KIZ: variants seen among roughly 807,000 people sequenced by gnomAD.
KIZ encodes the protein centrosomal protein kizuna.
KIZ carries 68 observed loss-of-function variants against 79.6 expected under a neutral mutation model. The observed-to-expected ratio is 0.85, with a 90% CI of 0.70 to 1.05. The LOEUF is 1.05. Among genes scored for constraint, KIZ ranks in the 50% least tolerant of loss-of-function variants. The pLI, the probability that KIZ is intolerant of heterozygous loss-of-function variation, is 0.00. For synonymous variants in KIZ, 280 were observed against 281.8 expected, an observed-to-expected ratio of 0.99 and a Z score of 0.06; for missense variants, 797 against 800.4, an observed-to-expected ratio of 1.00 and a Z score of 0.05.
Position 21,158,251 on chromosome 20 carries a change from TG to T in KIZ, c.406-3619del, listed in dbSNP as rs758012020. 7.9e-5 allele frequency among the ~76,000 whole-genome samples: 12 copies of T among 152,350 alleles called. No homozygotes were observed. In the South Asian group the frequency reaches 2.5e-3, roughly 32 times the overall value. The stretch of plus-strand genomic sequence containing the variant: ...TATTCATATTGGTGAGTCAGAATGT[TG>T]ATTAATATCATTTTGCTGTTTAAAC... On this transcript the variant is annotated intron_variant, in intron 4 of 12. Coordinates refer to ENST00000619189, the MANE Select transcript of KIZ (RefSeq NM_018474.6).
In KIZ at chr20:21,183,854, C is replaced by A. The variant is rs77015176; in HGVS notation, c.1352+20695C>A. Among the ~76,000 whole-genome samples the A allele has an allele frequency of 9.7e-3, 1,472 of 152,282 alleles. 26 individuals are homozygous for A. The highest frequency in any genetic ancestry group is 0.034 in the African/African-American group (1,404 of 41,568). Reference sequence around the variant, plus strand: ...CAGTGGGCTCTGACTTCTCTGTTTCCCTCTGATCTACTCCGTCTGGATCAA... The same window carrying A: ...CAGTGGGCTCTGACTTCTCTGTTTCACTCTGATCTACTCCGTCTGGATCAA... On this transcript the variant is annotated intron_variant, in intron 6 of 12. Coordinates refer to ENST00000619189, the MANE Select transcript of KIZ (RefSeq NM_018474.6).
intron 9 of KIZ, 79 bp from the exon 10 acceptor site, chr20:21,228,932 A>C (rs1173619618): frequency 4.5e-6 from 3 of 673,496 alleles, no homozygotes; most frequent in Non-Finnish European, 2.6e-6. Context: ...AGAAGTGTTA[A>C]TCTCATAGGA....
intron 6 of KIZ, chr20:21,196,936 C>T (rs1178771309): frequency 6.6e-6 from 1 of 152,218 alleles, no homozygotes; most frequent in African/African-American, 2.4e-5. Flanking sequence ...TAGCCATCAA[C>T]TAGGTCCAGT....
intron 7 of KIZ, among the ~76,000 whole-genome samples, chr20:21,211,251 G>A (rs965728165): frequency 2.6e-5 from 4 of 152,190 alleles, no homozygotes; most frequent in Admixed American, 2.6e-4. Context: ...AGTACTGTAG[G>A]TGTAACTCAT....
intron 6 of KIZ, among the ~76,000 whole-genome samples, chr20:21,173,593 A>AAAG (rs1555879515): frequency 0.014 from 2,068 of 143,766 alleles, 46 homozygotes; most frequent in African/African-American, 0.049. Context: ...AAAAAAAAAA[A>AAAG]AAAGAAAGAA....
chr20:21,214,954 C>T (rs532840325), intron 8 of KIZ, among the ~76,000 whole-genome samples: 2 of 152,200 alleles, frequency 1.3e-5, no homozygotes, highest in South Asian at 2.1e-4. Context: ...GAAGAAGTTA[C>T]GAAATCTTAA....
chr20:21,170,068 ATTTG>A (rs1400438470), intron 6 of KIZ, among the ~76,000 whole-genome samples: 1 of 152,138 alleles, frequency 6.6e-6, no homozygotes, highest in Non-Finnish European at 1.5e-5. Flanking sequence ...TTTTCAACTT[ATTTG>A]GGTAAATACC....
intron 9 of KIZ, among the ~76,000 whole-genome samples, chr20:21,225,293 GTGTT>G (rs1231581598): frequency 2.0e-5 from 3 of 152,196 alleles, no homozygotes; most frequent in Non-Finnish European, 2.9e-5. Flanking sequence ...GCATGCGTGT[GTGTT>G]TGTTTCTGTG....
At chr20:21,204,789 CT>C (rs1464113680) in intron 6 of KIZ, among the ~76,000 whole-genome samples, 1 of 151,308 alleles carries the variant, frequency 6.6e-6, no homozygotes, top group African/African-American at 2.5e-5. Context: ...TTTTTTAACT[CT>C]TTCCTAATAT....
At chr20:21,231,256 A>G (rs1387690358) in intron 10 of KIZ, among the ~76,000 whole-genome samples, 1 of 152,110 alleles carries the variant, frequency 6.6e-6, no homozygotes, top group Non-Finnish European at 1.5e-5. Context: ...CCCAGGAGGC[A>G]GAGGTTGCAG....
intron 6 of KIZ, among the ~76,000 whole-genome samples, chr20:21,204,744 A>G (rs2035745545): frequency 6.6e-6 from 1 of 152,218 alleles, no homozygotes; most frequent in South Asian, 2.1e-4. Context: ...CTTTTAGTAC[A>G]TAAATACCAC....
chr20:21,140,928 C>T (rs1287735119), intron 3 of KIZ, among the ~76,000 whole-genome samples: 5 of 151,902 alleles, frequency 3.3e-5, no homozygotes, highest in Non-Finnish European at 7.4e-5. Context: ...ATCATTTGAG[C>T]CCAGGAGGTT....
At chr20:21,223,426 T>G (rs764865913) in intron 9 of KIZ, among the ~76,000 whole-genome samples, 6 of 152,198 alleles carry the variant, frequency 3.9e-5, no homozygotes, top group Non-Finnish European at 8.8e-5. Context: ...TCTCTTCTCG[T>G]GCATCAGCCG....
chr20:21,162,383 G>C lies in KIZ; in HGVS notation c.918G>C (p.Arg306=). Residue 306 remains arginine (R), a synonymous_variant, in exon 5 of 13, where the codon CGG becomes CGC. Transcript: ENST00000619189. ...SSGSEGEILT[R]EHIEVEEKRA... is the part of the protein sequence containing the mutation. ...GATCAGAGGGAGAAATACTGACACG[G>C]GAACATATTGAAGTTGAGGAAAAAA... 1 of 1,613,790 alleles carries C rather than the reference G, an allele frequency of 6.2e-7. No individual in the cohort carries two copies. Among genetic ancestry groups the C allele is most frequent in the Non-Finnish European group, 8.5e-7 (1 of 1,179,808 alleles).
intron 6 of KIZ, among the ~76,000 whole-genome samples, chr20:21,177,865 G>T (rs550607965): frequency 6.6e-6 from 1 of 152,000 alleles, no homozygotes; most frequent in Non-Finnish European, 1.5e-5. Flanking sequence ...TGATACCCTT[G>T]TCAAAGATCA....
intron 7 of KIZ, among the ~76,000 whole-genome samples, chr20:21,209,676 C>T (rs2035985712): frequency 6.6e-6 from 1 of 152,272 alleles, no homozygotes; most frequent in Non-Finnish European, 1.5e-5. Flanking sequence ...CAAGAAATTA[C>T]TTCCAGTGTC....
chr20:21,189,554 A>G (rs2035026692), intron 6 of KIZ, among the ~76,000 whole-genome samples: 1 of 152,212 alleles, frequency 6.6e-6, no homozygotes, highest in African/African-American at 2.4e-5. Context: ...TTAAAAAGTC[A>G]TATGGGAGAG....
rs1010988644 is a variant in KIZ at position 21,200,738 on chromosome 20, A to G, written c.1353-4753A>G. ...CCCAGTTCCTAGCAGACCACGTATC[A>G]GTACCAGTCCTTGGCCCAGGCATTG... On this transcript the variant is annotated intron_variant, in intron 6 of 12. Transcript: ENST00000619189. Among the ~76,000 whole-genome samples, 9 of 152,136 alleles carry G rather than the reference A, an allele frequency of 5.9e-5. No homozygotes were observed. In the East Asian group the frequency reaches 1.7e-3, roughly 29 times the overall value.
In KIZ at chr20:21,136,537, G is replaced by A. The variant is rs751958469; in HGVS notation, c.300G>A (p.Lys100=). Residue 100 remains lysine (K), a synonymous_variant, in exon 3 of 13, where the codon AAG becomes AAA. Transcript: ENST00000619189. ...TACACTTCACCACAAATACAGAGAA[G>A]CTTCAAAAACTGAAGGTGACTTCCT... ...HVVHFTTNTE[K]LQKLKLEYET... is the part of the protein sequence containing the mutation. 6.4e-7 allele frequency: 1 copy of A among 1,555,556 alleles called. No individual in the cohort carries two copies. Among genetic ancestry groups the A allele is most frequent in the Non-Finnish European group, 8.7e-7 (1 of 1,154,630 alleles).
Sources: allele counts gnomAD v4.1 joint callset (sites outside exome capture counted in the v4.1 genomes callset), GRCh38; gene constraint gnomAD v4.1.1; transcripts MANE v1.5; gene names NCBI Gene and HGNC (gene_info 2026-07-23, HGNC 2026-07-21).